LARGE1: variants seen among roughly 807,000 people sequenced by gnomAD.
The protein encoded by LARGE1 is xylosyl- and glucuronyltransferase LARGE1.
A neutral mutation model predicts 87.6 loss-of-function variants in LARGE1; 43 were observed. That is an observed-to-expected ratio of 0.49 (90% CI 0.38 to 0.63). LARGE1 has a LOEUF of 0.63. Ranked by LOEUF, LARGE1 falls within the 30% of genes least tolerant of loss-of-function variation. The probability of loss-of-function intolerance (pLI) is 0.00; values close to 1 mark genes in which losing one functional copy is unlikely to be tolerated. For synonymous variants in LARGE1, 434 were observed against 394.6 expected, an observed-to-expected ratio of 1.10 and a Z score of -1.18; for missense variants, 802 against 1,000.2, an observed-to-expected ratio of 0.80 and a Z score of 2.67.
rs569187472 is a variant in LARGE1 at position 33,834,816 on chromosome 22, A to T, written c.-82-73258T>A. ...TTAAAAAAGCCAAATGGTAAAAGTG[A>T]ATTTTCAAGAGAGCACTGCTCACTC... is the stretch of plus-strand genomic sequence containing the variant. On this transcript the variant is annotated intron_variant, in intron 1 of 14. Coordinates refer to ENST00000397394, the MANE Select transcript of LARGE1 (RefSeq NM_133642.5). Among the ~76,000 whole-genome samples the T allele has an allele frequency of 7.9e-5, 12 of 152,342 alleles. No homozygotes were observed. In the South Asian group the frequency reaches 8.3e-4, roughly 11 times the overall value.
At chr22:33,324,696 G>T (rs535650916) in intron 10 of LARGE1, among the ~76,000 whole-genome samples, 1 of 152,274 alleles carries the variant, frequency 6.6e-6, no homozygotes, top group East Asian at 1.9e-4. Flanking sequence ...GGATCCAGAG[G>T]GAGTACAAGT....
At chr22:33,453,900 T>C (rs566418329) in intron 6 of LARGE1, among the ~76,000 whole-genome samples, 1 of 152,026 alleles carries the variant, frequency 6.6e-6, no homozygotes, top group Admixed American at 6.6e-5. Flanking sequence ...TTTATTTGAA[T>C]GTCTAATCAA....
intron 2 of LARGE1, among the ~76,000 whole-genome samples, chr22:33,702,032 A>G (rs540267689): frequency 5.3e-5 from 8 of 152,242 alleles, no homozygotes; most frequent in Non-Finnish European, 1.2e-4. Context: ...AATCCTTCTC[A>G]TCTGCAAGAG....
At chr22:33,196,967 A>G (rs1924116549) in intron 11 of LARGE1, among the ~76,000 whole-genome samples, 1 of 152,230 alleles carries the variant, frequency 6.6e-6, no homozygotes, top group Admixed American at 6.5e-5. Context: ...ATAATTCCCC[A>G]TGATGTGGTT....
At chr22:33,185,416 T>C (rs1923422468) in intron 11 of LARGE1, among the ~76,000 whole-genome samples, 1 of 152,122 alleles carries the variant, frequency 6.6e-6, no homozygotes, top group African/African-American at 2.4e-5. Context: ...GAGGGATGAA[T>C]TGGTGAAACA....
intron 2 of LARGE1, chr22:33,726,088 A>G (rs1268820981): frequency 1.4e-5 from 2 of 143,430 alleles, no homozygotes; most frequent in Admixed American, 7.5e-5. Flanking sequence ...TTATTTTCAC[A>G]GCTACTCTTT....
At chr22:33,755,089 A>C (rs2084460978) in intron 2 of LARGE1, among the ~76,000 whole-genome samples, 1 of 152,222 alleles carries the variant, frequency 6.6e-6, no homozygotes, top group South Asian at 2.1e-4. Flanking sequence ...TCTCACTGCC[A>C]GTCTTCAAAA....
intron 3 of LARGE1, among the ~76,000 whole-genome samples, chr22:33,638,804 G>A (rs956702428): frequency 6.6e-6 from 1 of 152,116 alleles, no homozygotes; most frequent in African/African-American, 2.4e-5. Flanking sequence ...ACTGATTAAC[G>A]GTTATTAACT....
intron 6 of LARGE1, among the ~76,000 whole-genome samples, chr22:33,502,386 A>G (rs1049740742): frequency 7.2e-5 from 11 of 152,076 alleles, no homozygotes; most frequent in African/African-American, 2.4e-4. Context: ...CCAGAGACGG[A>G]GGGAGAATTA....
At chr22:33,388,729 C>T (rs1247820884) in intron 7 of LARGE1, among the ~76,000 whole-genome samples, 1 of 152,158 alleles carries the variant, frequency 6.6e-6, no homozygotes, top group Non-Finnish European at 1.5e-5. Context: ...CCACGCCTGG[C>T]TGATTTTTTG....
intron 4 of LARGE1, among the ~76,000 whole-genome samples, chr22:33,612,077 C>A (rs1171769505): frequency 2.0e-5 from 3 of 152,180 alleles, no homozygotes; most frequent in African/African-American, 7.2e-5. Context: ...AATCTCTTTT[C>A]TTTCTAAATT....
intron 1 of LARGE1, among the ~76,000 whole-genome samples, chr22:33,833,107 A>G (rs1644394717): frequency 6.6e-6 from 1 of 152,194 alleles, no homozygotes; most frequent in Admixed American, 6.5e-5. Context: ...CAAGCAGATG[A>G]TGTCTCAGCC....
chr22:33,219,433 G>A (rs1925357379), intron 11 of LARGE1, among the ~76,000 whole-genome samples: 1 of 152,192 alleles, frequency 6.6e-6, no homozygotes, highest in Admixed American at 6.5e-5. Flanking sequence ...AATCTGCCTT[G>A]TTAACAATCT....
At chr22:33,715,213 G>A (rs1256617424) in intron 2 of LARGE1, among the ~76,000 whole-genome samples, 1 of 152,144 alleles carries the variant, frequency 6.6e-6, no homozygotes, top group Non-Finnish European at 1.5e-5. Context: ...TTACTGGCTA[G>A]GTCAGGCCTA....
rs1188574828 is a variant in LARGE1 at position 33,650,485 on chromosome 22, T to C, written c.290A>G (p.Asn97Ser). Residue 97 changes from asparagine to serine, a missense_variant, in exon 3 of 15, where the codon AAC becomes AGC. Around this residue, in one of 2 missense-constraint regions of LARGE1, gnomAD observed 177 missense variants for 158.3 expected, o/e 1.12. Coordinates refer to ENST00000397394, the MANE Select transcript of LARGE1 (RefSeq NM_133642.5). ...CTCCATGGAGTAGGTCTTGGAGTGGTTGCCTCGGCGATGGGATGGGGCTCG... is the reference window on the plus strand; with the variant it reads ...CTCCATGGAGTAGGTCTTGGAGTGGCTGCCTCGGCGATGGGATGGGGCTCG... Reference protein sequence around the residue: ...QGRAPSHRRGNHSKTYSMEEG... With the variant: ...QGRAPSHRRGSHSKTYSMEEG... The C allele has an allele frequency of 3.7e-6, 6 of 1,613,754 alleles. No homozygotes were observed. The highest frequency in any genetic ancestry group is 1.3e-5 in the African/African-American group (1 of 74,940).
intron 6 of LARGE1, among the ~76,000 whole-genome samples, chr22:33,484,698 T>C (rs998912047): frequency 2.1e-4 from 32 of 152,120 alleles, no homozygotes; most frequent in African/African-American, 6.5e-4. Flanking sequence ...CCAAACTGTT[T>C]TGCGCCCATC....
chr22:33,342,966 T>C (rs1939327886), intron 9 of LARGE1, among the ~76,000 whole-genome samples: 1 of 152,244 alleles, frequency 6.6e-6, no homozygotes, highest in South Asian at 2.1e-4. Flanking sequence ...TACCTTGTGC[T>C]AGGATCTAAA....
intron 2 of LARGE1, among the ~76,000 whole-genome samples, chr22:33,674,665 C>T (rs1213915147): frequency 6.6e-6 from 1 of 152,172 alleles, no homozygotes; most frequent in Non-Finnish European, 1.5e-5. Flanking sequence ...GCATGGATCA[C>T]TCTTCCAGGA....
At chr22:33,507,561 T>C (rs2070825374) in intron 6 of LARGE1, among the ~76,000 whole-genome samples, 1 of 152,138 alleles carries the variant, frequency 6.6e-6, no homozygotes, top group South Asian at 2.1e-4. Flanking sequence ...GGGGAGAATG[T>C]ACAGTTATTA....
Sources: gnomAD v4.1 joint callset for allele counts (sites outside exome capture counted in the v4.1 genomes callset) on GRCh38, gnomAD v4.1.1 for gene constraint, gnomAD v4.1.1 regional missense constraint, MANE v1.5 for transcripts, NCBI Gene and HGNC (gene_info 2026-07-23, HGNC 2026-07-21) for gene names.